The following DOCK3 variants were observed in gnomAD, a reference collection of about 807,000 sequenced individuals.
DOCK3 encodes dedicator of cytokinesis 3.
DOCK3 carries 60 observed loss-of-function variants against 265.6 expected under a neutral mutation model. The ratio of observed to expected loss-of-function variants is 0.23; its 90% CI spans 0.18 to 0.28. DOCK3 has a LOEUF of 0.28. DOCK3 is among the 10% of genes least tolerant of loss of function. The probability of loss-of-function intolerance (pLI) is 1.00; values close to 1 mark genes in which losing one functional copy is unlikely to be tolerated. For synonymous variants in DOCK3, 881 were observed against 938.0 expected (o/e 0.94, Z 1.11); for missense variants, 1,981 against 2,594.3 (o/e 0.76, Z 5.14).
chr3:51,107,480 G>A (rs2109797337), intron 9 of DOCK3, among the ~76,000 whole-genome samples: 1 of 152,274 alleles, frequency 6.6e-6, no homozygotes, highest in Admixed American at 6.5e-5. Context: ...CAATACAGGA[G>A]CTGACAGACG....
At chr3:50,774,032 A>G (rs575020818) in intron 1 of DOCK3, among the ~76,000 whole-genome samples, 1 of 152,202 alleles carries the variant, frequency 6.6e-6, no homozygotes, top group African/African-American at 2.4e-5. Flanking sequence ...ATATAGCCAA[A>G]TATTCCCAGA....
At chr3:51,161,317 G>A (rs146860046) in intron 12 of DOCK3, among the ~76,000 whole-genome samples, 1,751 of 151,498 alleles carry the variant, frequency 0.012, 32 homozygotes, top group African/African-American at 0.039. Flanking sequence ...GGTGGCGGAC[G>A]CCTATAGTCC....
rs1199409161 is a variant in DOCK3, at chr3:51,032,119, C to CGTGTGTGTGTGT, written c.316-32314_316-32303dup. Among the ~76,000 whole-genome samples, 653 of 149,088 alleles carry CGTGTGTGTGTGT rather than the reference C, an allele frequency of 4.4e-3. 13 individuals are homozygous for CGTGTGTGTGTGT. The highest frequency in any genetic ancestry group is 0.042 in the East Asian group (212 of 4,992). On this transcript the variant is annotated intron_variant, in intron 5 of 52. Transcript: ENST00000266037. ...GAGTGTCCTCAAGTACCTCCCTCCT[C>CGTGTGTGTGTGT]GTGTGTGTGTGTGTGTGTGTGTGTG...
chr3:50,735,750 A>G (rs1450304229), intron 1 of DOCK3, among the ~76,000 whole-genome samples: 1 of 152,188 alleles, frequency 6.6e-6, no homozygotes, highest in East Asian at 1.9e-4. Flanking sequence ...TTGCACTGCT[A>G]TAAAGAAATA....
intron 23 of DOCK3, among the ~76,000 whole-genome samples, chr3:51,264,856 A>ATAAATAAATAACTAAC (rs1273306423): frequency 8.6e-5 from 13 of 151,254 alleles, no homozygotes; most frequent in South Asian, 2.1e-4. Context: ...AAATAAATAA[A>ATAAATAAATAACTAAC]TAACTTAGAT....
chr3:50,990,426 T>C (rs2078063590), intron 5 of DOCK3, among the ~76,000 whole-genome samples: 1 of 152,102 alleles, frequency 6.6e-6, no homozygotes, highest in South Asian at 2.1e-4. Flanking sequence ...CAGGTCCACC[T>C]ACAAAGGGAA....
chr3:51,002,534 C>T (rs1229038628), intron 5 of DOCK3, among the ~76,000 whole-genome samples: 3 of 152,128 alleles, frequency 2.0e-5, no homozygotes, highest in Non-Finnish European at 2.9e-5. Flanking sequence ...AAGATTTTCT[C>T]CTGTATTTAT....
chr3:51,380,327 C>T, intron 52 of DOCK3, 120 bp downstream of exon 52: 1 of 935,788 alleles, frequency 1.1e-6, no homozygotes, highest in Non-Finnish European at 1.6e-6. Flanking sequence ...TCTCCCCAGC[C>T]TGGCAGAAGC....
chr3:51,176,449 C>T (rs1172580018), intron 12 of DOCK3, among the ~76,000 whole-genome samples: 2 of 121,176 alleles, frequency 1.7e-5, no homozygotes. Flanking sequence ...AACCCCGTCT[C>T]TACTAAAAAA....
intron 2 of DOCK3, among the ~76,000 whole-genome samples, chr3:50,830,437 T>G (rs944843912): frequency 1.8e-4 from 27 of 152,214 alleles, no homozygotes; most frequent in Admixed American, 1.1e-3. Context: ...TATAAATAAA[T>G]TTTCATTTTT....
At chr3:51,078,907 A>T (rs1297147782) in intron 7 of DOCK3, among the ~76,000 whole-genome samples, 1 of 152,158 alleles carries the variant, frequency 6.6e-6, no homozygotes, top group Non-Finnish European at 1.5e-5. Context: ...TTTCTGCTAA[A>T]TTTCCTGTCT....
chr3:50,687,819 A>G (rs755254357), intron 1 of DOCK3, among the ~76,000 whole-genome samples: 3 of 152,228 alleles, frequency 2.0e-5, no homozygotes, highest in Non-Finnish European at 2.9e-5. Flanking sequence ...ATATGTAATC[A>G]TTCAAAGACT....
At chr3:51,239,158 G>A (rs763732243) in intron 21 of DOCK3, among the ~76,000 whole-genome samples, 3 of 151,738 alleles carry the variant, frequency 2.0e-5, no homozygotes, top group African/African-American at 7.3e-5. Flanking sequence ...CATTCTGGCC[G>A]GTGCAGGATG....
intron 6 of DOCK3, among the ~76,000 whole-genome samples, chr3:51,068,928 A>G (rs1169916158): frequency 6.6e-6 from 1 of 152,122 alleles, no homozygotes; most frequent in Non-Finnish European, 1.5e-5. Flanking sequence ...TTAGAGTTTT[A>G]ATTTAGTCAG....
chr3:51,080,155 A>C (rs2082178720), intron 7 of DOCK3, among the ~76,000 whole-genome samples: 1 of 152,222 alleles, frequency 6.6e-6, no homozygotes, highest in African/African-American at 2.4e-5. Context: ...CAACCTATAT[A>C]GCAGGCAATT....
intron 5 of DOCK3, among the ~76,000 whole-genome samples, chr3:51,037,451 A>C (rs942847923): frequency 6.6e-6 from 1 of 152,124 alleles, no homozygotes; most frequent in Admixed American, 6.6e-5. Flanking sequence ...TGAACACCTC[A>C]TGAGGTTTTT....
intron 5 of DOCK3, among the ~76,000 whole-genome samples, chr3:51,062,311 C>G (rs1469629012): frequency 6.6e-6 from 1 of 152,188 alleles, no homozygotes; most frequent in Non-Finnish European, 1.5e-5. Flanking sequence ...TCTGCATCAT[C>G]AATCTTCCCT....
chr3:51,302,632 C>T (rs1018293551), intron 27 of DOCK3, among the ~76,000 whole-genome samples: 1 of 152,048 alleles, frequency 6.6e-6, no homozygotes, highest in Admixed American at 6.6e-5. Context: ...AAATTCCCTC[C>T]TCATTTGGTT....
intron 6 of DOCK3, among the ~76,000 whole-genome samples, chr3:51,071,368 A>G (rs1474821238): frequency 6.6e-6 from 1 of 152,240 alleles, no homozygotes; most frequent in East Asian, 1.9e-4. Flanking sequence ...TACCTAAACA[A>G]TTGGTAGGAC....
Sources: allele counts gnomAD v4.1 joint callset (sites outside exome capture counted in the v4.1 genomes callset), GRCh38; gene constraint gnomAD v4.1.1; transcripts MANE v1.5; gene names NCBI Gene and HGNC (gene_info 2026-07-23, HGNC 2026-07-21).